FAM13A: variants seen among roughly 807,000 people sequenced by gnomAD.
FAM13A encodes family with sequence similarity 13 member A.
FAM13A carries 76 observed loss-of-function variants against 129.6 expected under a neutral mutation model. That is an observed-to-expected ratio of 0.59 (90% CI 0.49 to 0.71). The LOEUF (loss-of-function observed/expected upper bound fraction) is 0.71. Ranked by LOEUF, FAM13A falls within the 30% of genes least tolerant of loss-of-function variation. The pLI is 0.00. For synonymous variants in FAM13A, 443 were observed against 449.9 expected (o/e 0.98, Z 0.20); for missense variants, 1,108 against 1,249.3 (o/e 0.89, Z 1.70).
In FAM13A at chr4:88,732,062, T is replaced by C; in HGVS notation, c.2783A>G (p.Asp928Gly). Residue 928 changes from aspartate (D) to glycine (G), a missense_variant, in exon 22 of 24, where the codon GAT (aspartate) becomes GGT (glycine). Asp to Gly is a moderately conservative substitution (Grantham distance 94, BLOSUM62 -1). Around this residue, in one of 3 missense-constraint regions of FAM13A, gnomAD observed 529 missense variants for 621.2 expected, o/e 0.85. Transcript: ENST00000264344. Reference sequence around the variant, plus strand: ...CTGGCTGCATTTTGATGGTATTTTATCATCCATTGGGGAAATAAATCCATC... The same window carrying C: ...CTGGCTGCATTTTGATGGTATTTTACCATCCATTGGGGAAATAAATCCATC... ...DADGFISPMD[D>G]KIPSKCSQDT... 1 of 1,614,094 alleles carries C rather than the reference T, an allele frequency of 6.2e-7. No homozygotes were observed. Among genetic ancestry groups the C allele is most frequent in the Non-Finnish European group, 8.5e-7 (1 of 1,179,952 alleles).
At chr4:88,928,851 T>C (rs1752611817) in intron 5 of FAM13A, among the ~76,000 whole-genome samples, 1 of 152,134 alleles carries the variant, frequency 6.6e-6, no homozygotes, top group Non-Finnish European at 1.5e-5. Context: ...ATATTGTTAA[T>C]TGCTTTCAAA....
chr4:88,957,053 C>T (rs181211505), intron 4 of FAM13A, among the ~76,000 whole-genome samples: 1 of 152,218 alleles, frequency 6.6e-6, no homozygotes, highest in East Asian at 1.9e-4. Flanking sequence ...GGGTCGGGTG[C>T]AGTGGCTCAC....
intron 6 of FAM13A, among the ~76,000 whole-genome samples, chr4:88,879,320 C>G (rs1441338214): frequency 6.6e-6 from 1 of 152,164 alleles, no homozygotes; most frequent in African/African-American, 2.4e-5. Context: ...CTCACAAAAA[C>G]TCTGCAAAGC....
intron 6 of FAM13A, among the ~76,000 whole-genome samples, chr4:88,883,613 C>A (rs762389268): frequency 6.6e-6 from 1 of 151,776 alleles, no homozygotes; most frequent in Non-Finnish European, 1.5e-5. Flanking sequence ...ACTGGAGAAA[C>A]AAGAACAAAC....
chr4:88,897,320 G>C (rs115752127), intron 6 of FAM13A, among the ~76,000 whole-genome samples: 247 of 152,348 alleles, frequency 1.6e-3, no homozygotes, highest in African/African-American at 5.6e-3. Context: ...TGAGCTAGCA[G>C]GGCTGGGAAT....
intron 1 of FAM13A, among the ~76,000 whole-genome samples, chr4:89,055,874 CTT>C (rs1400030915): frequency 6.6e-6 from 1 of 152,122 alleles, no homozygotes; most frequent in Non-Finnish European, 1.5e-5. Flanking sequence ...ACTAAGAAAA[CTT>C]AATCTATAGG....
chr4:89,025,245 G>GTTGTT (rs1767781429), intron 2 of FAM13A, among the ~76,000 whole-genome samples: 1 of 61,372 alleles, frequency 1.6e-5, no homozygotes, highest in African/African-American at 5.4e-5. Flanking sequence ...TGGAATCATT[G>GTTGTT]TTTTTTTTTT....
intron 5 of FAM13A, among the ~76,000 whole-genome samples, chr4:88,916,666 T>C (rs925251745): frequency 3.3e-5 from 5 of 152,196 alleles, no homozygotes; most frequent in African/African-American, 9.7e-5. Flanking sequence ...TACTTCTGCT[T>C]AGACTGCTCT....
intron 6 of FAM13A, among the ~76,000 whole-genome samples, chr4:88,883,955 A>C (rs1744010913): frequency 6.6e-6 from 1 of 152,152 alleles, no homozygotes; most frequent in Non-Finnish European, 1.5e-5. Context: ...CTCCTAGATT[A>C]TACTAGGAAG....
At chr4:88,948,030 A>G (rs116404932) in intron 4 of FAM13A, among the ~76,000 whole-genome samples, 21 of 152,318 alleles carry the variant, frequency 1.4e-4, no homozygotes, top group Non-Finnish European at 2.8e-4. Context: ...AAGAACAATA[A>G]TGCAAAAAAG....
Position 88,990,956 on chromosome 4 carries a change from A to AG in FAM13A, c.605+16_605+17insC, listed in dbSNP as rs1330900725. 7 of 1,602,944 alleles carry AG rather than the reference A, an allele frequency of 4.4e-6. No individual in the cohort carries two copies. The highest frequency in any genetic ancestry group is 6.0e-6 in the Non-Finnish European group (7 of 1,170,072). On this transcript the variant is annotated intron_variant, in intron 4 of 23. Transcript: ENST00000264344. Reference sequence around the variant, plus strand: ...GGGGGACATGATGATATTAACAGTAAAACTCCACTAACTTACTGAAAGCAA... The same window carrying AG: ...GGGGGACATGATGATATTAACAGTAAGAACTCCACTAACTTACTGAAAGCAA...
chr4:88,738,875 C>CA (rs1333102843), intron 20 of FAM13A, among the ~76,000 whole-genome samples, 155 bp downstream of exon 20: 1 of 152,204 alleles, frequency 6.6e-6, no homozygotes, highest in African/African-American at 2.4e-5. Flanking sequence ...ATAAAGTCTT[C>CA]ATTCCTCAAG....
intron 3 of FAM13A, among the ~76,000 whole-genome samples, chr4:89,001,308 A>C (rs937790205): frequency 1.3e-5 from 2 of 152,192 alleles, no homozygotes; most frequent in Admixed American, 6.5e-5. Flanking sequence ...ATTCCAGTGG[A>C]GGCTTTGTGC....
At chr4:88,808,706 G>A (rs963180447) in intron 7 of FAM13A, among the ~76,000 whole-genome samples, 14 of 151,784 alleles carry the variant, frequency 9.2e-5, no homozygotes, top group African/African-American at 2.9e-4. Context: ...TAAAAACTCC[G>A]TGTTTTAATT....
At chr4:88,991,210 C>A in intron 3 of FAM13A, 60 bp from the exon 4 acceptor site, 1 of 1,291,346 alleles carries the variant, frequency 7.7e-7, no homozygotes, top group Non-Finnish European at 1.1e-6. Flanking sequence ...ACAACAAAAG[C>A]CCATAGGTGT....
chr4:88,865,706 G>A (rs970356572), intron 6 of FAM13A, among the ~76,000 whole-genome samples: 17 of 152,146 alleles, frequency 1.1e-4, no homozygotes, highest in African/African-American at 3.6e-4. Context: ...CAGCTCTGCC[G>A]TGGACAGCAT....
rs1742187265 is a variant in FAM13A, at chr4:88,749,857, G to C, written c.1993C>G (p.Pro665Ala). The C allele has an allele frequency of 9.3e-6, 15 of 1,613,992 alleles. No homozygotes were observed. The highest frequency in any genetic ancestry group is 1.3e-5 in the Non-Finnish European group (15 of 1,179,980). Residue 665 changes from proline to alanine, a missense_variant, in exon 16 of 24, where the codon CCT becomes GCT. Pro to Ala is a conservative substitution (Grantham distance 27). Coordinates refer to ENST00000264344, the MANE Select transcript of FAM13A (RefSeq NM_014883.4). ...TGAATCCTTCGTGTGAGCTGGGCAG[G>C]TGTCAGGTCCTCTTGCTCATCATCA... ...SYDDEQEDLT[P>A]AQLTRRIQSL...
intron 21 of FAM13A, among the ~76,000 whole-genome samples, chr4:88,732,864 G>A (rs115785482): frequency 6.6e-6 from 1 of 151,308 alleles, no homozygotes; most frequent in East Asian, 1.9e-4. Flanking sequence ...AGAAAAGTAT[G>A]ATATTCTCGG....
At chr4:89,015,837 AAC>A (rs1320531067) in intron 3 of FAM13A, among the ~76,000 whole-genome samples, 1 of 152,164 alleles carries the variant, frequency 6.6e-6, no homozygotes. Context: ...TGTTAACTGC[AAC>A]ACAGACTCAG....
Sources: gnomAD v4.1 joint callset for allele counts (sites outside exome capture counted in the v4.1 genomes callset) on GRCh38, gnomAD v4.1.1 for gene constraint, gnomAD v4.1.1 regional missense constraint, MANE v1.5 for transcripts, NCBI Gene and HGNC (gene_info 2026-07-23, HGNC 2026-07-21) for gene names.